The following KPNA1 variants were observed in gnomAD, a reference collection of about 807,000 sequenced individuals.
KPNA1 encodes the protein importin subunit alpha-5.
Under a neutral mutation model 70.5 loss-of-function variants are expected in KPNA1, and 10 were observed. That is an observed-to-expected ratio of 0.14 (90% CI 0.09 to 0.24). The LOEUF (loss-of-function observed/expected upper bound fraction) is 0.24, where lower values mean the gene tolerates loss of function less well. KPNA1 is among the 10% of genes least tolerant of loss of function. The pLI, the probability that KPNA1 is intolerant of heterozygous loss-of-function variation, is 1.00. For synonymous variants in KPNA1, 192 were observed against 221.9 expected, an observed-to-expected ratio of 0.87 and a Z score of 1.20; for missense variants, 397 against 637.9, an observed-to-expected ratio of 0.62 and a Z score of 4.07.
chr3:122,446,863 A>G (rs1262570862), intron 9 of KPNA1, among the ~76,000 whole-genome samples: 2 of 152,382 alleles, frequency 1.3e-5, no homozygotes, highest in Non-Finnish European at 2.9e-5. Context: ...ACAGAAATAC[A>G]AACTACCATC....
chr3:122,430,181 C>G (rs2075882023), intron 12 of KPNA1, among the ~76,000 whole-genome samples: 1 of 151,900 alleles, frequency 6.6e-6, no homozygotes, highest in Non-Finnish European at 1.5e-5. Flanking sequence ...TTTTGTAAAT[C>G]TGTATTCTTT....
At chr3:122,451,329 G>A (rs1056470066) in intron 8 of KPNA1, among the ~76,000 whole-genome samples, 4 of 152,124 alleles carry the variant, frequency 2.6e-5, no homozygotes, top group Non-Finnish European at 2.9e-5. Flanking sequence ...TCGTAAATGT[G>A]CACCTTCAAG....
chr3:122,453,403 T>A (rs929571713), intron 6 of KPNA1, among the ~76,000 whole-genome samples: 12 of 152,152 alleles, frequency 7.9e-5, no homozygotes, highest in Middle Eastern at 3.2e-3. Context: ...CACTAAGAAA[T>A]TTTCTATTTG....
intron 1 of KPNA1, among the ~76,000 whole-genome samples, chr3:122,506,901 T>C (rs1337189176): frequency 6.6e-6 from 1 of 152,242 alleles, no homozygotes; most frequent in Non-Finnish European, 1.5e-5. Context: ...AATTGAATAC[T>C]TCCACTTTTA....
In KPNA1 at chr3:122,480,624, C is replaced by T. The variant is rs191156189; in HGVS notation, c.130-13195G>A. ...ATCTACAAAAAGGAATAAAGACCAT[C>T]GGAAACAGTAATAATGTGGTACAAT... On this transcript the variant is annotated intron_variant, in intron 2 of 13. Transcript: ENST00000344337. 5.9e-5 allele frequency among the ~76,000 whole-genome samples: 9 copies of T among 151,478 alleles called. No individual in the cohort carries two copies. The East Asian group carries it at 1.6e-3, about 26-fold the overall frequency.
Position 122,467,390 on chromosome 3 carries a change from TTTC to T in KPNA1, c.166_168del (p.Glu56del), listed in dbSNP as rs756266665. 1.6e-5 allele frequency: 26 copies of T among 1,610,498 alleles called. No individual in the cohort carries two copies. The highest frequency in any genetic ancestry group is 2.1e-5 in the Non-Finnish European group (25 of 1,177,752). ...CCATCTGACATAACTTCTTCTTCTG[TTTC>T]TTCTTCTGCTGTAGCAACATTTCTC... On this transcript the variant is annotated inframe_deletion, in exon 3 of 14. Coordinates refer to ENST00000344337, the MANE Select transcript of KPNA1 (RefSeq NM_002264.4).
rs190752607 is a variant in KPNA1, at chr3:122,474,713, G to A, written c.130-7284C>T. 9.9e-4 allele frequency among the ~76,000 whole-genome samples: 150 copies of A among 152,156 alleles called. 1 individual carries two copies. Among genetic ancestry groups the A allele is most frequent in the Non-Finnish European group, 1.1e-3 (76 of 67,976 alleles). On this transcript the variant is annotated intron_variant, in intron 2 of 13. Coordinates refer to ENST00000344337, the MANE Select transcript of KPNA1 (RefSeq NM_002264.4). ...GGGATACAAGGATGGTTCAACATACGCAAATCTATGAATGTGAATCACATT... is the reference window on the plus strand; with the variant it reads ...GGGATACAAGGATGGTTCAACATACACAAATCTATGAATGTGAATCACATT...
chr3:122,452,968 G>A (rs1323541638), intron 6 of KPNA1, among the ~76,000 whole-genome samples: 3 of 151,778 alleles, frequency 2.0e-5, no homozygotes, highest in African/African-American at 7.3e-5. Context: ...TTTTTTTTGA[G>A]ATAGGTCTCA....
chr3:122,506,665 C>T (rs150026335), intron 1 of KPNA1, among the ~76,000 whole-genome samples: 49 of 152,278 alleles, frequency 3.2e-4, no homozygotes, highest in Admixed American at 6.5e-4. Context: ...TCTCTGGCCT[C>T]ATCTTATAGC....
intron 11 of KPNA1, among the ~76,000 whole-genome samples, 184 bp from the exon 12 acceptor site, chr3:122,433,972 T>C (rs1051492337): frequency 6.6e-5 from 10 of 152,208 alleles, no homozygotes; most frequent in Non-Finnish European, 1.3e-4. Flanking sequence ...AGTCTCACTC[T>C]GTTGCCCAGG....
chr3:122,501,858 A>G (rs1014022513), intron 1 of KPNA1, among the ~76,000 whole-genome samples: 2 of 152,086 alleles, frequency 1.3e-5, no homozygotes, highest in Middle Eastern at 3.2e-3. Context: ...TGTTTCTGTC[A>G]GTTTTTGCTT....
rs1470177303 is a variant in KPNA1, at chr3:122,425,942, A to G, written c.*1043T>C. 6.6e-6 allele frequency: 1 copy of G among 152,642 alleles called. No individual in the cohort carries two copies. The highest frequency in any genetic ancestry group is 2.4e-5 in the African/African-American group (1 of 41,456). The allele number at this position is 152,642 out of a possible 1,614,324, so 9.5% of individuals were successfully genotyped here. On this transcript the variant is annotated 3_prime_UTR_variant, in exon 14 of 14. Transcript: ENST00000344337. ...AAATCCCAAAGTTACTTTCAAAAGT[A>G]TGTGTTATCTGCCAGTCACAGAGGG... is the stretch of plus-strand genomic sequence containing the variant.
intron 4 of KPNA1, 85 bp from the exon 5 acceptor site, chr3:122,461,403 C>G (rs974398546): frequency 2.8e-5 from 22 of 794,674 alleles, no homozygotes; most frequent in Non-Finnish European, 3.2e-5. Flanking sequence ...TAACATCCCT[C>G]CCTCCATTTA....
intron 2 of KPNA1, among the ~76,000 whole-genome samples, chr3:122,469,788 G>A (rs1430615776): frequency 6.6e-6 from 1 of 152,072 alleles, no homozygotes; most frequent in East Asian, 1.9e-4. Flanking sequence ...AAAGACAAGG[G>A]TAAAAACACT....
Position 122,488,473 on chromosome 3 carries a change from C to T in KPNA1, c.129+7964G>A, listed in dbSNP as rs148852110. ...GGTTGAGGCTATAGTGAGTTGTAATCACACCACTACACTCTAGCCTGCATG... is the reference window on the plus strand; with the variant it reads ...GGTTGAGGCTATAGTGAGTTGTAATTACACCACTACACTCTAGCCTGCATG... On this transcript the variant is annotated intron_variant, in intron 2 of 13. Coordinates refer to ENST00000344337, the MANE Select transcript of KPNA1 (RefSeq NM_002264.4). Among the ~76,000 whole-genome samples, 183 of 152,276 alleles carry T rather than the reference C, an allele frequency of 1.2e-3. 1 individual carries two copies. The highest frequency in any genetic ancestry group is 4.2e-3 in the African/African-American group (173 of 41,570).
chr3:122,435,929 T>C (rs970925263), intron 11 of KPNA1, among the ~76,000 whole-genome samples: 18 of 152,256 alleles, frequency 1.2e-4, no homozygotes, highest in African/African-American at 4.3e-4. Flanking sequence ...ATAACAGCGA[T>C]GTTCAGGGAA....
chr3:122,481,594 T>C (rs1576328293), intron 2 of KPNA1, among the ~76,000 whole-genome samples: 1 of 152,148 alleles, frequency 6.6e-6, no homozygotes, highest in Non-Finnish European at 1.5e-5. Flanking sequence ...TGTTCTAAAA[T>C]TGGTTGTGGT....
At chr3:122,429,989 A>G (rs2075879394) in intron 12 of KPNA1, among the ~76,000 whole-genome samples, 1 of 151,980 alleles carries the variant, frequency 6.6e-6, no homozygotes, top group East Asian at 1.9e-4. Context: ...AGTTATTTCA[A>G]AAGACCTATC....
chr3:122,429,375 G>A (rs900907006), intron 12 of KPNA1, among the ~76,000 whole-genome samples: 5 of 149,750 alleles, frequency 3.3e-5, no homozygotes, highest in African/African-American at 1.2e-4. Flanking sequence ...TTGAACACAG[G>A]AGGCGGAGGT....
Sources: gnomAD v4.1 joint callset for allele counts (sites outside exome capture counted in the v4.1 genomes callset) on GRCh38, gnomAD v4.1.1 for gene constraint, MANE v1.5 for transcripts, NCBI Gene and HGNC (gene_info 2026-07-23, HGNC 2026-07-21) for gene names.